Variants in CEP290 observed in about 807,000 individuals in gnomAD.
CEP290 encodes the protein centrosomal protein 290.
Under a neutral mutation model 344.9 loss-of-function variants are expected in CEP290, and 317 were observed. That is an observed-to-expected ratio of 0.92 (90% CI 0.84 to 1.01). The LOEUF (loss-of-function observed/expected upper bound fraction) is 1.01. Among genes scored for constraint, CEP290 ranks in the 50% least tolerant of loss-of-function variants. The pLI, the probability that CEP290 is intolerant of heterozygous loss-of-function variation, is 0.00. For synonymous variants in CEP290, 932 were observed against 895.8 expected, an observed-to-expected ratio of 1.04 and a Z score of -0.72; for missense variants, 2,754 against 2,761.4, an observed-to-expected ratio of 1.00 and a Z score of 0.06.
chr12:88,139,172 T>C lies in CEP290; in HGVS notation c.270A>G (p.Lys90=). The C allele has an allele frequency of 8.3e-7, 1 of 1,199,068 alleles. No homozygotes were observed. The highest frequency in any genetic ancestry group is 1.7e-5 in the South Asian group (1 of 57,588). 74.3% of individuals were successfully genotyped at this position (1,199,068 alleles called of 1,614,324 possible). Residue 90 remains lysine (K), a synonymous_variant, in exon 5 of 54, where the codon AAA becomes AAG. Transcript: ENST00000552810. ...QAKFENQLKT[K]VMKLENELEM... Reference sequence around the variant, plus strand: ...CCAGTTCATTTTCCAGTTTCATTACTTTAGTTTTTAATTGATTTTCTATTT... The same window carrying C: ...CCAGTTCATTTTCCAGTTTCATTACCTTAGTTTTTAATTGATTTTCTATTT...
intron 32 of CEP290, among the ~76,000 whole-genome samples, chr12:88,087,240 CA>C (rs1191927085): frequency 3.3e-5 from 5 of 152,072 alleles, no homozygotes; most frequent in Non-Finnish European, 5.9e-5. Flanking sequence ...TAACCAATAT[CA>C]AAATAAAAAT....
At chr12:88,122,639 A>C (rs2039475500) in intron 13 of CEP290, among the ~76,000 whole-genome samples, 1 of 152,166 alleles carries the variant, frequency 6.6e-6, no homozygotes, top group Non-Finnish European at 1.5e-5. Context: ...GTGTTATCAG[A>C]TAAGTCCTTT....
At chr12:88,113,848 TA>T (rs2038868235) in intron 20 of CEP290, among the ~76,000 whole-genome samples, 1 of 55,544 alleles carries the variant, frequency 1.8e-5, no homozygotes. Context: ...CATAAGTTCC[TA>T]AGAGATCTAC....
rs2033389774 is a variant in CEP290, at chr12:88,050,456, T to A, written c.7130-23A>T. 3 of 1,210,220 alleles carry A rather than the reference T, an allele frequency of 2.5e-6. No individual in the cohort carries two copies. The Admixed American group carries it at 5.9e-5, about 24-fold the overall frequency. The allele number at this position is 1,210,220 out of a possible 1,614,324, so 75.0% of individuals were successfully genotyped here. A position where few individuals can be genotyped will look rare whatever the true frequency, so the allele number is the denominator to read the frequency against. On this transcript the variant is annotated intron_variant, in intron 52 of 53. Transcript: ENST00000552810. Reference sequence around the variant, plus strand: ...CATCTGTTGAAAAAGTCATACAAATTAGACTCAGCTTTTTCCCACTACGAA... The same window carrying A: ...CATCTGTTGAAAAAGTCATACAAATAAGACTCAGCTTTTTCCCACTACGAA...
chr12:88,131,197 C>A lies in CEP290; in HGVS notation c.463G>T (p.Ala155Ser). The change falls in exon 7 of 54, where the codon GCA becomes TCA. Residue 155 changes from alanine to serine, a missense_variant. By Grantham distance (99) the Ala-to-Ser change is moderately conservative. Coordinates refer to ENST00000552810, the MANE Select transcript of CEP290 (RefSeq NM_025114.4). ...CTTAATTTGCTGTTTTCATTTTCTGCCTCCTCATTTCGAAGAGCCAACTAA... is the reference window on the plus strand; with the variant it reads ...CTTAATTTGCTGTTTTCATTTTCTGACTCCTCATTTCGAAGAGCCAACTAA... ...NEQLALRNEE[A>S]ENENSKLRRE... 1 of 1,516,570 alleles carries A rather than the reference C, an allele frequency of 6.6e-7. No homozygotes were observed. The highest frequency in any genetic ancestry group is 2.4e-5 in the Admixed American group (1 of 42,454). 93.9% of individuals were successfully genotyped at this position (1,516,570 alleles called of 1,614,324 possible).
At chr12:88,133,700 ATGAAGATAT>A (rs1407063731) in intron 6 of CEP290, among the ~76,000 whole-genome samples, 1 of 152,152 alleles carries the variant, frequency 6.6e-6, no homozygotes, top group Non-Finnish European at 1.5e-5. Flanking sequence ...TACAATCTTT[ATGAAGATAT>A]GACATTTTTC....
At chr12:88,089,672 T>A (rs2036869677) in intron 30 of CEP290, among the ~76,000 whole-genome samples, 185 bp from the exon 31 acceptor site, 1 of 150,700 alleles carries the variant, frequency 6.6e-6, no homozygotes, top group Non-Finnish European at 1.5e-5. Flanking sequence ...AAACCTAGAA[T>A]CAAACAAACT....
At chr12:88,057,447 C>G (rs1185446363) in intron 49 of CEP290, among the ~76,000 whole-genome samples, 1 of 152,152 alleles carries the variant, frequency 6.6e-6, no homozygotes, top group Non-Finnish European at 1.5e-5. Flanking sequence ...AACAAAGGAA[C>G]GACCAAGAAA....
chr12:88,141,634 C>T (rs2040677142), intron 1 of CEP290, among the ~76,000 whole-genome samples: 1 of 152,044 alleles, frequency 6.6e-6, no homozygotes, highest in Non-Finnish European at 1.5e-5. Flanking sequence ...TGCGCGCGAA[C>T]ACCCTAATCC....
At chr12:88,060,261 T>C (rs1394982487) in intron 47 of CEP290, among the ~76,000 whole-genome samples, 1 of 152,184 alleles carries the variant, frequency 6.6e-6, no homozygotes, top group Non-Finnish European at 1.5e-5. Flanking sequence ...CACCCTAAAA[T>C]AATTAAATCA....
chr12:88,136,657 T>C lies in CEP290; in HGVS notation c.427A>G (p.Lys143Glu). Residue 143 changes from lysine (K) to glutamate (E), a missense_variant, in exon 6 of 54, where the codon AAA becomes GAA. Physicochemically the swap from Lys to Glu is moderately conservative, Grantham distance 56. Transcript: ENST00000552810. ...DMEKELEKEK[K>E]VNEQLALRNE... ...AAGTGCTTTACTTGCTCATTAACTT[T>C]CTTCTCTTTCTCCAACTCCTTTTCC... 6.2e-7 allele frequency: 1 copy of C among 1,613,734 alleles called. No individual in the cohort carries two copies. The highest frequency in any genetic ancestry group is 8.5e-7 in the Non-Finnish European group (1 of 1,179,742).
chr12:88,106,631 A>T, intron 25 of CEP290, 44 bp downstream of exon 25: 1 of 1,333,376 alleles, frequency 7.5e-7, no homozygotes, highest in East Asian at 2.3e-5. Flanking sequence ...TGCATATTTG[A>T]AATTTTTCAT....
At chr12:88,116,929 G>A (rs549879987) in intron 18 of CEP290, 104 bp downstream of exon 18, 14 of 555,252 alleles carry the variant, frequency 2.5e-5, no homozygotes, top group African/African-American at 6.3e-5. Context: ...AGCCGAGATC[G>A]CGCCACTGCA....
In CEP290 at chr12:88,077,757, T is replaced by C. The variant is rs777528087; in HGVS notation, c.5526A>G (p.Glu1842=). ...AYNKILREKE[E]IDQENDELKR... is the part of the protein sequence containing the mutation. ...TCAGTTCATCATTCTCTTGATCAAT[T>C]TCCTCTTTCTCTCTAAGTATTTTAT... is the stretch of plus-strand genomic sequence containing the variant. The change falls in exon 40 of 54, where the codon GAA becomes GAG. Residue 1842 remains glutamate (E), a synonymous_variant. Coordinates refer to ENST00000552810, the MANE Select transcript of CEP290 (RefSeq NM_025114.4). 13 of 1,581,500 alleles carry C rather than the reference T, an allele frequency of 8.2e-6. No individual in the cohort carries two copies. The South Asian group carries it at 1.1e-4, about 13-fold the overall frequency.
At chr12:88,107,727 C>T (rs2038391139) in intron 23 of CEP290, among the ~76,000 whole-genome samples, 1 of 151,682 alleles carries the variant, frequency 6.6e-6, no homozygotes. Context: ...TATGGCAAAA[C>T]TCCGTCTTTA....
At chr12:88,104,167 C>A (rs183399624) in intron 25 of CEP290, 1 of 152,132 alleles carries the variant, frequency 6.6e-6, no homozygotes, top group Admixed American at 6.5e-5. Flanking sequence ...TAAAGAATTT[C>A]TTGATGCTCA....
chr12:88,066,633 A>G (rs1275539259), intron 44 of CEP290, among the ~76,000 whole-genome samples: 1 of 151,296 alleles, frequency 6.6e-6, no homozygotes, highest in Non-Finnish European at 1.5e-5. Context: ...CACAGAGCCT[A>G]ACACCATTTA....
chr12:88,065,537 C>T (rs997598328), intron 44 of CEP290, among the ~76,000 whole-genome samples: 1 of 152,144 alleles, frequency 6.6e-6, no homozygotes, highest in African/African-American at 2.4e-5. Context: ...AGGCATTAGA[C>T]AGGATAACTT....
At chr12:88,139,427 T>G in intron 4 of CEP290, 68 bp downstream of exon 4, 1 of 996,560 alleles carries the variant, frequency 1.0e-6, no homozygotes, top group Admixed American at 2.5e-5. Flanking sequence ...AATTTAATTT[T>G]CTACAGTTTA....
Sources: allele counts gnomAD v4.1 joint callset (sites outside exome capture counted in the v4.1 genomes callset), GRCh38; gene constraint gnomAD v4.1.1; transcripts MANE v1.5; gene names NCBI Gene and HGNC (gene_info 2026-07-23, HGNC 2026-07-21).